Variants in COL5A1 observed in about 807,000 individuals in gnomAD.
COL5A1 encodes the protein collagen alpha-1(V) chain.
In COL5A1, 16 loss-of-function variants were observed where a neutral mutation model predicts 263.7. The ratio of observed to expected loss-of-function variants is 0.06; its 90% confidence interval spans 0.04 to 0.09. COL5A1 has a LOEUF of 0.09. Among genes scored for constraint, COL5A1 ranks in the 10% least tolerant of loss-of-function variants. The pLI is 1.00. For missense variants in COL5A1, 2,036 were observed against 2,540.5 expected (o/e 0.80, Z 4.27); for synonymous variants, 1,012 against 1,004.5 (o/e 1.01, Z -0.14).
chr9:134,816,887 C>T (rs965643312), intron 52 of COL5A1, 139 bp from the exon 53 acceptor site: 5 of 781,168 alleles, frequency 6.4e-6, no homozygotes, highest in South Asian at 3.1e-5. Context: ...TTAGGACCCT[C>T]TGTGCTAGCC....
chr9:134,822,286 T>C (rs573027633), intron 59 of COL5A1, 136 bp downstream of exon 59: 121 of 740,604 alleles, frequency 1.6e-4, no homozygotes, highest in Middle Eastern at 2.9e-4. Flanking sequence ...CAGGGTGGAT[T>C]TGCCCATTAA....
At chr9:134,699,807 C>T (rs1042583161) in intron 2 of COL5A1, 102 bp from the exon 3 acceptor site, 11 of 1,162,598 alleles carry the variant, frequency 9.5e-6, no homozygotes, top group Non-Finnish European at 1.3e-5. Context: ...ACGGGCAGCA[C>T]AGCTTCCCAG....
chr9:134,816,163 T>C (rs532033181), intron 52 of COL5A1, among the ~76,000 whole-genome samples, 175 bp downstream of exon 52: 1 of 152,352 alleles, frequency 6.6e-6, no homozygotes, highest in South Asian at 2.1e-4. Context: ...CCTTATGATA[T>C]TGATTCTGGA....
intron 61 of COL5A1, among the ~76,000 whole-genome samples, chr9:134,824,019 G>A (rs1323341347): frequency 6.6e-6 from 1 of 150,936 alleles, no homozygotes; most frequent in Admixed American, 6.6e-5. Flanking sequence ...ATGTGCATGT[G>A]TGTGTGTGTG....
chr9:134,765,816 C>A lies in COL5A1; in HGVS notation c.2088+82C>A. 2 of 1,237,582 alleles carry A rather than the reference C, an allele frequency of 1.6e-6. No individual in the cohort carries two copies. The highest frequency in any genetic ancestry group is 1.3e-5 in the South Asian group (1 of 76,594). 76.7% of individuals were successfully genotyped at this position (1,237,582 alleles called of 1,614,324 possible). On this transcript the variant is annotated intron_variant, in intron 21 of 65. Transcript: ENST00000371817. This position sits in a 1 kb window ranked among gnomAD's most constrained non-coding sequence, Gnocchi z 5.1. ...CTCCCAGCCGGTGGACGCTTGGGCA[C>A]TGGGGCAGCAAGTCCGTGCTGGCCC...
At chr9:134,766,295 G>A (rs1267898484) in intron 21 of COL5A1, among the ~76,000 whole-genome samples, 159 bp from the exon 22 acceptor site, 4 of 152,352 alleles carry the variant, frequency 2.6e-5, no homozygotes, top group African/African-American at 4.8e-5. Context: ...CCTCTGGGAA[G>A]GGATTTGGAG....
At chr9:134,709,864 G>T (rs1833964910) in intron 4 of COL5A1, among the ~76,000 whole-genome samples, 1 of 152,220 alleles carries the variant, frequency 6.6e-6, no homozygotes, top group Non-Finnish European at 1.5e-5. Flanking sequence ...TGATGCTGGA[G>T]GGTCTCTGGA....
chr9:134,729,394 C>T (rs571886425), intron 6 of COL5A1, among the ~76,000 whole-genome samples: 6 of 152,134 alleles, frequency 3.9e-5, no homozygotes, highest in Non-Finnish European at 8.8e-5. Flanking sequence ...AGCCTCAGAG[C>T]CATTGTCAGA....
At chr9:134,816,633 T>C (rs891368200) in intron 52 of COL5A1, among the ~76,000 whole-genome samples, 2 of 152,212 alleles carry the variant, frequency 1.3e-5, no homozygotes, top group Non-Finnish European at 2.9e-5. Flanking sequence ...TCGGGCTGGA[T>C]TTCCCTGACA....
intron 27 of COL5A1, among the ~76,000 whole-genome samples, chr9:134,776,903 G>T (rs1837074580): frequency 6.6e-6 from 1 of 152,164 alleles, no homozygotes; most frequent in Admixed American, 6.5e-5. Context: ...GAAGAGGGGG[G>T]ACGAGCACCC....
At chr9:134,744,583 A>G (rs888437703) in intron 11 of COL5A1, among the ~76,000 whole-genome samples, 60 of 151,344 alleles carry the variant, frequency 4.0e-4, no homozygotes, top group African/African-American at 1.5e-3. Flanking sequence ...ATGCACACAC[A>G]CTTACACATG....
intron 1 of COL5A1, among the ~76,000 whole-genome samples, chr9:134,651,843 G>T (rs1831699042): frequency 6.6e-6 from 1 of 152,248 alleles, no homozygotes; most frequent in Non-Finnish European, 1.5e-5. Flanking sequence ...CTTTGCTGCT[G>T]GTTGTCTTCC....
intron 32 of COL5A1, among the ~76,000 whole-genome samples, chr9:134,792,131 G>T (rs537471880): frequency 6.6e-6 from 1 of 152,256 alleles, no homozygotes. Flanking sequence ...GGCCGAGCCC[G>T]GCAAGGGAGA....
intron 2 of COL5A1, among the ~76,000 whole-genome samples, chr9:134,695,236 C>T (rs941891095): frequency 1.6e-4 from 24 of 152,198 alleles, no homozygotes; most frequent in African/African-American, 5.3e-4. Flanking sequence ...GTGGAGGCCA[C>T]GGCTCTGCCC....
rs549815907 is a variant in COL5A1 at position 134,819,287 on chromosome 9, G to A, written c.4446+234G>A. 3.9e-5 allele frequency among the ~76,000 whole-genome samples: 6 copies of A among 152,322 alleles called. No individual in the cohort carries two copies. The South Asian group carries it at 8.3e-4, about 21-fold the overall frequency. ...CTCGGGAGATCCCGGAGGCCCCTGCGGTATTGACGGAGAACCTTCCAGCTA... is the reference window on the plus strand; with the variant it reads ...CTCGGGAGATCCCGGAGGCCCCTGCAGTATTGACGGAGAACCTTCCAGCTA... On this transcript the variant is annotated intron_variant, in intron 57 of 65. Coordinates refer to ENST00000371817, the MANE Select transcript of COL5A1 (RefSeq NM_000093.5).
chr9:134,806,448 G>A, intron 42 of COL5A1, 152 bp downstream of exon 42: 1 of 623,454 alleles, frequency 1.6e-6, no homozygotes, highest in Non-Finnish European at 2.9e-6. Context: ...GACAGAGCGT[G>A]TGTCCCATGG....
intron 25 of COL5A1, among the ~76,000 whole-genome samples, chr9:134,772,118 G>A (rs1242831548): frequency 2.6e-5 from 4 of 152,124 alleles, no homozygotes; most frequent in Non-Finnish European, 5.9e-5. Context: ...CTCCATCCCC[G>A]AGGCCAGGTG....
intron 32 of COL5A1, among the ~76,000 whole-genome samples, chr9:134,790,437 T>C (rs1455134077): frequency 1.9e-4 from 14 of 73,390 alleles, no homozygotes; most frequent in African/African-American, 7.3e-4. Flanking sequence ...CACCCATCCA[T>C]CCATCCACCC....
At chr9:134,673,416 C>T (rs562559674) in intron 1 of COL5A1, among the ~76,000 whole-genome samples, 24 of 150,128 alleles carry the variant, frequency 1.6e-4, no homozygotes, top group East Asian at 7.8e-4. Flanking sequence ...GCCGAGATCA[C>T]GCCACTGCAC....
Sources: gnomAD v4.1 joint callset for allele counts (sites outside exome capture counted in the v4.1 genomes callset) on GRCh38, gnomAD v4.1.1 for gene constraint, Gnocchi (gnomAD v3.1) non-coding constraint, MANE v1.5 for transcripts, NCBI Gene and HGNC (gene_info 2026-07-23, HGNC 2026-07-21) for gene names.